The following NMNAT3 variants were observed in gnomAD, a reference collection of about 807,000 sequenced individuals.
NMNAT3 encodes nicotinamide/nicotinic acid mononucleotide adenylyltransferase 3.
A neutral mutation model predicts 24.8 loss-of-function variants in NMNAT3; 21 were observed. The ratio of observed to expected loss-of-function variants is 0.85; its 90% CI spans 0.60 to 1.22. The LOEUF is 1.22. Among genes scored for constraint, NMNAT3 ranks in the 50% most tolerant of loss-of-function variants. The pLI, the probability that NMNAT3 is intolerant of heterozygous loss-of-function variation, is 0.00. For synonymous variants in NMNAT3, 136 were observed against 155.2 expected (o/e 0.88, Z 0.92); for missense variants, 387 against 436.6 (o/e 0.89, Z 1.01).
At chr3:139,576,924 G>A (rs1939396119) in intron 5 of NMNAT3, among the ~76,000 whole-genome samples, 1 of 151,976 alleles carries the variant, frequency 6.6e-6, no homozygotes, top group Non-Finnish European at 1.5e-5. Flanking sequence ...GGGCATGGTG[G>A]TGTGTGCCTG....
chr3:139,668,581 A>G (rs1366936556), intron 1 of NMNAT3, among the ~76,000 whole-genome samples: 1 of 152,254 alleles, frequency 6.6e-6, no homozygotes, highest in African/African-American at 2.4e-5. Context: ...TGAGCAAACC[A>G]GCTGCCTCTT....
chr3:139,604,672 A>C (rs11720155), intron 3 of NMNAT3, among the ~76,000 whole-genome samples: 8,380 of 152,270 alleles, frequency 0.055, 299 homozygotes, highest in Non-Finnish European at 0.078. Context: ...AACACTCTAC[A>C]TTTTAACACA....
At chr3:139,659,518 G>C (rs1176225444) in intron 1 of NMNAT3, among the ~76,000 whole-genome samples, 1 of 152,102 alleles carries the variant, frequency 6.6e-6, no homozygotes, top group African/African-American at 2.4e-5. Flanking sequence ...TACATGCAAG[G>C]GATACATGGT....
At chr3:139,609,356 A>C (rs1487143590) in intron 3 of NMNAT3, among the ~76,000 whole-genome samples, 1 of 152,186 alleles carries the variant, frequency 6.6e-6, no homozygotes, top group Non-Finnish European at 1.5e-5. Flanking sequence ...CCCTCCAGCA[A>C]TTATAAGAGG....
chr3:139,629,595 C>T (rs1295173074), intron 2 of NMNAT3, among the ~76,000 whole-genome samples: 1 of 152,128 alleles, frequency 6.6e-6, no homozygotes, highest in African/African-American at 2.4e-5. Context: ...TAGCTGTAAT[C>T]CTGCAGTTCT....
Position 139,627,679 on chromosome 3 carries a change from TA to T in NMNAT3, c.45del (p.Phe15LeufsTer43). On this transcript the variant is annotated frameshift_variant, in exon 3 of 7. Coordinates refer to ENST00000643695, the MANE Select transcript of NMNAT3 (RefSeq NM_001320510.2). LOFTEE classifies it high-confidence loss of function. The stretch of plus-strand genomic sequence containing the variant: ...CGCAGGTGCATGTTGGTGATGGGGT[TA>T]AAGGAGCCACAGGCCAGGAGCACCA... The T allele has an allele frequency of 6.3e-7, 1 of 1,596,462 alleles. No individual in the cohort carries two copies. The highest frequency in any genetic ancestry group is 8.5e-7 in the Non-Finnish European group (1 of 1,178,664).
intron 3 of NMNAT3, among the ~76,000 whole-genome samples, chr3:139,591,387 C>A (rs1461225557): frequency 1.3e-5 from 2 of 151,614 alleles, no homozygotes; most frequent in African/African-American, 2.4e-5. Flanking sequence ...CAACGAGGCT[C>A]GGGAAGGGGC....
chr3:139,653,349 CTG>C (rs1483851941), intron 1 of NMNAT3, among the ~76,000 whole-genome samples: 1 of 152,054 alleles, frequency 6.6e-6, no homozygotes, highest in East Asian at 1.9e-4. Context: ...TAAAAAAAAA[CTG>C]TTCTATTTAA....
chr3:139,591,093 C>A (rs1315920719), intron 3 of NMNAT3, among the ~76,000 whole-genome samples: 2 of 151,314 alleles, frequency 1.3e-5, no homozygotes, highest in Non-Finnish European at 1.5e-5. Context: ...AGACAGTGGG[C>A]GCAGGCCAGT....
At chr3:139,575,706 G>C in intron 5 of NMNAT3, 5 of 1,064,858 alleles carry the variant, frequency 4.7e-6, no homozygotes, top group Non-Finnish European at 5.7e-6. Flanking sequence ...CGCCTCTATG[G>C]GGCATGACCA....
At chr3:139,581,729 G>A (rs1439753824) in intron 4 of NMNAT3, among the ~76,000 whole-genome samples, 1 of 152,136 alleles carries the variant, frequency 6.6e-6, no homozygotes, top group Non-Finnish European at 1.5e-5. Context: ...GGGAAAGCTG[G>A]ATGAGAAAGA....
chr3:139,610,457 C>G (rs1467907918), intron 3 of NMNAT3, among the ~76,000 whole-genome samples: 1 of 152,208 alleles, frequency 6.6e-6, no homozygotes, highest in African/African-American at 2.4e-5. Flanking sequence ...AAAAAATTAT[C>G]TTGGTTCAAA....
chr3:139,585,438 CCAGTTT>C (rs1200149083), intron 3 of NMNAT3, among the ~76,000 whole-genome samples: 2 of 152,038 alleles, frequency 1.3e-5, no homozygotes, highest in African/African-American at 4.8e-5. Context: ...TCATACAATG[CCAGTTT>C]CAAAGTCTGT....
intron 1 of NMNAT3, among the ~76,000 whole-genome samples, chr3:139,676,121 T>C (rs910703449): frequency 2.6e-5 from 4 of 152,212 alleles, no homozygotes; most frequent in African/African-American, 7.2e-5. Flanking sequence ...TCTGTTAACA[T>C]CATACCTGTT....
At chr3:139,659,377 G>GTT (rs2057344922) in intron 1 of NMNAT3, among the ~76,000 whole-genome samples, 1 of 152,202 alleles carries the variant, frequency 6.6e-6, no homozygotes, top group African/African-American at 2.4e-5. Context: ...AAAAAGCACA[G>GTT]TTCTAGAGTA....
In NMNAT3 at chr3:139,561,283, C is replaced by A. The variant is rs773247364; in HGVS notation, c.768G>T (p.Leu256Phe). 2 of 1,613,990 alleles carry A rather than the reference C, an allele frequency of 1.2e-6. No individual in the cohort carries two copies. The highest frequency in any genetic ancestry group is 8.5e-7 in the Non-Finnish European group (1 of 1,179,948). The change falls in exon 7 of 7, where the codon TTG (leucine) becomes TTT (phenylalanine). Residue 256 changes from leucine to phenylalanine, a missense_variant. Around this residue, in one of 3 missense-constraint regions of NMNAT3, gnomAD observed 323 missense variants for 345.2 expected, o/e 0.94. Coordinates refer to ENST00000643695, the MANE Select transcript of NMNAT3 (RefSeq NM_001320510.2). ...CGTGACCTACTCGGCCCACGCACAC[C>A]AAGCCAAACTTCTCCACTATTTCCT... is the stretch of plus-strand genomic sequence containing the variant.
intron 3 of NMNAT3, among the ~76,000 whole-genome samples, chr3:139,589,014 T>G (rs954022204): frequency 1.3e-5 from 2 of 152,110 alleles, no homozygotes; most frequent in Non-Finnish European, 2.9e-5. Flanking sequence ...GGGCCTGATC[T>G]GCAAACATGA....
intron 3 of NMNAT3, among the ~76,000 whole-genome samples, chr3:139,624,391 A>C (rs894906727): frequency 6.7e-6 from 1 of 149,930 alleles, no homozygotes; most frequent in African/African-American, 2.5e-5. Context: ...TTCTAATGTA[A>C]TTCCACTGTG....
chr3:139,622,824 G>A (rs2055859415), intron 3 of NMNAT3, among the ~76,000 whole-genome samples: 1 of 131,752 alleles, frequency 7.6e-6, no homozygotes, highest in African/African-American at 2.9e-5. Flanking sequence ...ATGTATATAT[G>A]ATATATAATA....
Sources: gnomAD v4.1 joint callset for allele counts (sites outside exome capture counted in the v4.1 genomes callset) on GRCh38, gnomAD v4.1.1 for gene constraint, gnomAD v4.1.1 regional missense constraint, MANE v1.5 for transcripts, NCBI Gene and HGNC (gene_info 2026-07-23, HGNC 2026-07-21) for gene names.